Variants in DAAM1 observed in about 807,000 individuals in gnomAD.
DAAM1 encodes dishevelled associated activator of morphogenesis 1, also known as disheveled-associated activator of morphogenesis 1.
A neutral mutation model predicts 130.0 loss-of-function variants in DAAM1; 52 were observed. The ratio of observed to expected loss-of-function variants is 0.40; its 90% CI spans 0.32 to 0.50. DAAM1 has a LOEUF of 0.50. DAAM1 is among the 20% of genes least tolerant of loss of function. DAAM1 has a pLI of 0.61. For missense variants in DAAM1, 1,134 were observed against 1,303.8 expected (o/e 0.87, Z 2.01); for synonymous variants, 452 against 444.5 (o/e 1.02, Z -0.21).
At chr14:59,199,470 G>T (rs926788392) in intron 1 of DAAM1, among the ~76,000 whole-genome samples, 6 of 152,098 alleles carry the variant, frequency 3.9e-5, no homozygotes, top group African/African-American at 1.4e-4. Context: ...TCCATGTTTT[G>T]CTTGGCCAGC....
chr14:59,344,300 T>C (rs1423632753), intron 16 of DAAM1, among the ~76,000 whole-genome samples: 8 of 152,194 alleles, frequency 5.3e-5, no homozygotes, highest in Non-Finnish European at 1.2e-4. Flanking sequence ...GCCTGGATGT[T>C]CCAATTCTCT....
intron 8 of DAAM1, 146 bp from the exon 9 acceptor site, chr14:59,325,518 G>C (rs1885172671): frequency 1.5e-6 from 1 of 686,894 alleles, no homozygotes; most frequent in Non-Finnish European, 2.4e-6. Flanking sequence ...AAAGAACAAA[G>C]TTGAAGCTTT....
chr14:59,307,748 A>T (rs1884427369), intron 3 of DAAM1, among the ~76,000 whole-genome samples: 1 of 152,182 alleles, frequency 6.6e-6, no homozygotes, highest in African/African-American at 2.4e-5. Context: ...ACGGATGGTT[A>T]TACAGGAGAA....
intron 1 of DAAM1, among the ~76,000 whole-genome samples, chr14:59,210,141 C>G (rs980320446): frequency 3.9e-5 from 6 of 152,060 alleles, no homozygotes; most frequent in Non-Finnish European, 8.8e-5. Flanking sequence ...GACCCTGTCT[C>G]TAAAACAAAC....
At chr14:59,276,686 C>T (rs905802689) in intron 2 of DAAM1, among the ~76,000 whole-genome samples, 1 of 152,158 alleles carries the variant, frequency 6.6e-6, no homozygotes. Flanking sequence ...AAAAGTTAGA[C>T]TTGTCTGAGT....
At chr14:59,360,400 C>CAGAGTA (rs1377052945) in intron 21 of DAAM1, among the ~76,000 whole-genome samples, 3 of 152,192 alleles carry the variant, frequency 2.0e-5, no homozygotes, top group Non-Finnish European at 2.9e-5. Context: ...ACTGATTATA[C>CAGAGTA]AGAGTACAAT....
chr14:59,368,650 C>T lies in DAAM1; in HGVS notation c.2998C>T (p.Leu1000Phe). Residue 1000 changes from leucine to phenylalanine, a missense_variant and splice_region_variant, in exon 25 of 25, where the codon CTC becomes TTC. Around this residue, in one of 3 missense-constraint regions of DAAM1, gnomAD observed 644 missense variants for 695.9 expected, o/e 0.93. Coordinates refer to ENST00000360909, the MANE Select transcript of DAAM1 (RefSeq NM_001270520.2). ...AGAGGTTATTTCTTTCTATTTGCAGCTCAAAGAACAACGTGAAAGGGAACG... is the reference window on the plus strand; with the variant it reads ...AGAGGTTATTTCTTTCTATTTGCAGTTCAAAGAACAACGTGAAAGGGAACG... ...EERRARMEAQ[L>F]KEQRERERKM... The T allele has an allele frequency of 6.2e-7, 1 of 1,611,368 alleles. No individual in the cohort carries two copies. Among genetic ancestry groups the T allele is most frequent in the Non-Finnish European group, 8.5e-7 (1 of 1,178,676 alleles).
At chr14:59,251,435 G>GTT (rs35807716) in intron 1 of DAAM1, among the ~76,000 whole-genome samples, 1,450 of 137,924 alleles carry the variant, frequency 0.011, 17 homozygotes, top group Non-Finnish European at 0.015. Context: ...ACTCCGCCGT[G>GTT]TTTTTTTTTT....
intron 3 of DAAM1, among the ~76,000 whole-genome samples, chr14:59,297,988 T>G (rs1169294819): frequency 6.6e-6 from 1 of 152,174 alleles, no homozygotes; most frequent in Non-Finnish European, 1.5e-5. Flanking sequence ...AAGAGGTAGG[T>G]GGACAGAAAA....
At chr14:59,289,189 A>T (rs1053329666) in intron 2 of DAAM1, among the ~76,000 whole-genome samples, 7 of 152,114 alleles carry the variant, frequency 4.6e-5, no homozygotes, top group African/African-American at 1.7e-4. Context: ...TGCTGGGATT[A>T]CAGGCATGAG....
chr14:59,279,390 C>T (rs1222097883), intron 2 of DAAM1, among the ~76,000 whole-genome samples: 3 of 152,124 alleles, frequency 2.0e-5, no homozygotes, highest in African/African-American at 7.2e-5. Flanking sequence ...TGAAATGTTA[C>T]CTTGAAGTAA....
At chr14:59,297,898 T>G (rs1030345328) in intron 3 of DAAM1, among the ~76,000 whole-genome samples, 2 of 152,188 alleles carry the variant, frequency 1.3e-5, no homozygotes, top group Non-Finnish European at 2.9e-5. Flanking sequence ...GGTCTTAGAA[T>G]GTATCCCCCA....
rs372487824 is a variant in DAAM1, at chr14:59,360,814, G to C, written c.2646G>C (p.Leu882=). 12 of 1,613,654 alleles carry C rather than the reference G, an allele frequency of 7.4e-6. No individual in the cohort carries two copies. Among genetic ancestry groups the C allele is most frequent in the Non-Finnish European group, 1.0e-5 (12 of 1,179,886 alleles). ...CTATTTACAACAGCATGACTGAGCT[G>C]GACAAAGAAATAAGTACCTTGAGAA... ...PQAAKVNMTE[L]DKEISTLRSG... The change falls in exon 22 of 25, where the codon CTG becomes CTC. Residue 882 remains leucine, a synonymous_variant. Transcript: ENST00000360909.
intron 4 of DAAM1, among the ~76,000 whole-genome samples, chr14:59,320,214 G>A (rs1884953541): frequency 6.6e-6 from 1 of 152,118 alleles, no homozygotes; most frequent in Non-Finnish European, 1.5e-5. Flanking sequence ...TTCAACTACA[G>A]GTTCAGTCTT....
intron 1 of DAAM1, among the ~76,000 whole-genome samples, chr14:59,257,475 A>AT (rs973647005): frequency 1.3e-4 from 20 of 150,500 alleles, no homozygotes; most frequent in African/African-American, 4.4e-4. Flanking sequence ...AAGCAGCAGT[A>AT]TTTGAGCAGA....
At chr14:59,304,809 G>A (rs1884311939) in intron 3 of DAAM1, among the ~76,000 whole-genome samples, 1 of 152,074 alleles carries the variant, frequency 6.6e-6, no homozygotes, top group African/African-American at 2.4e-5. Context: ...CCTTGCATTA[G>A]CACTTTTTTC....
intron 2 of DAAM1, among the ~76,000 whole-genome samples, chr14:59,279,857 A>G (rs1157092318): frequency 6.6e-6 from 1 of 152,222 alleles, no homozygotes; most frequent in African/African-American, 2.4e-5. Flanking sequence ...ACATGTTTCC[A>G]GGATATATAA....
At chr14:59,259,055 G>A (rs993988630) in intron 1 of DAAM1, among the ~76,000 whole-genome samples, 1 of 152,070 alleles carries the variant, frequency 6.6e-6, no homozygotes, top group Non-Finnish European at 1.5e-5. Context: ...AGATCTTAAC[G>A]TTACCCCCGA....
intron 3 of DAAM1, among the ~76,000 whole-genome samples, chr14:59,310,122 T>G (rs947984429): frequency 1.3e-4 from 20 of 151,356 alleles, no homozygotes; most frequent in South Asian, 4.2e-4. Context: ...CTTTTTTTTT[T>G]TTTTTTGAGA....
Sources: gnomAD v4.1 joint callset for allele counts (sites outside exome capture counted in the v4.1 genomes callset) on GRCh38, gnomAD v4.1.1 for gene constraint, gnomAD v4.1.1 regional missense constraint, MANE v1.5 for transcripts, NCBI Gene and HGNC (gene_info 2026-07-23, HGNC 2026-07-21) for gene names.